The following SLMAP variants were observed in gnomAD, a reference collection of about 807,000 sequenced individuals.
The protein encoded by SLMAP is sarcolemmal membrane-associated protein.
Under a neutral mutation model 128.8 loss-of-function variants are expected in SLMAP, and 44 were observed. The ratio of observed to expected loss-of-function variants is 0.34; its 90% CI spans 0.27 to 0.44. SLMAP has a LOEUF of 0.44. Among genes scored for constraint, SLMAP ranks in the 20% least tolerant of loss-of-function variants. The pLI is 1.00. For synonymous variants in SLMAP, 327 were observed against 348.8 expected (o/e 0.94, Z 0.70); for missense variants, 787 against 985.3 (o/e 0.80, Z 2.69).
chr3:57,767,626 CT>C (rs1463799725), intron 2 of SLMAP, among the ~76,000 whole-genome samples: 2 of 152,084 alleles, frequency 1.3e-5, no homozygotes, highest in African/African-American at 4.8e-5. Context: ...AATCAGAGTG[CT>C]TTCTTGTTTC....
At chr3:57,894,330 C>T (rs2096180134) in intron 15 of SLMAP, among the ~76,000 whole-genome samples, 1 of 152,152 alleles carries the variant, frequency 6.6e-6, no homozygotes. Flanking sequence ...TCATATTATA[C>T]ATACTGCTCT....
chr3:57,761,743 A>G (rs1044012915), intron 2 of SLMAP, among the ~76,000 whole-genome samples: 1 of 151,912 alleles, frequency 6.6e-6, no homozygotes, highest in African/African-American at 2.4e-5. Flanking sequence ...CCATTATGGG[A>G]GGCTCATTAA....
intron 2 of SLMAP, among the ~76,000 whole-genome samples, chr3:57,764,180 C>G (rs2079201005): frequency 2.0e-5 from 3 of 152,086 alleles, no homozygotes; most frequent in Admixed American, 2.0e-4. Flanking sequence ...GAGTTCTGAG[C>G]AGAGCACTGA....
intron 18 of SLMAP, 78 bp from the exon 19 acceptor site, chr3:57,908,996 AAG>A: frequency 6.0e-6 from 6 of 991,804 alleles, no homozygotes; most frequent in Non-Finnish European, 9.2e-6. Flanking sequence ...AGAATTTTAA[AAG>A]AAATTTTCAG....
rs1005347331 is a variant in SLMAP, at chr3:57,896,803, G to C, written c.1442-70G>C. The C allele has an allele frequency of 4.7e-6, 7 of 1,495,830 alleles. No homozygotes were observed. In the African/African-American group the frequency reaches 8.5e-5, roughly 18 times the overall value. The allele number at this position is 1,495,830 out of a possible 1,614,324, so 92.7% of individuals were successfully genotyped here. Reference sequence around the variant, plus strand: ...TGTATCAATTCCAATTGTTTGTTTTGATAACAATAGCTTGCTGATAGATCT... The same window carrying C: ...TGTATCAATTCCAATTGTTTGTTTTCATAACAATAGCTTGCTGATAGATCT... On this transcript the variant is annotated intron_variant, in intron 16 of 24. Transcript: ENST00000671191.
chr3:57,866,295 AAAGAC>A (rs1054136313), intron 13 of SLMAP, among the ~76,000 whole-genome samples: 64 of 134,806 alleles, frequency 4.7e-4, no homozygotes, highest in African/African-American at 1.7e-3. Flanking sequence ...AAAGAAAAGA[AAAGAC>A]AAAATATTTT....
At chr3:57,923,091 AG>A in intron 23 of SLMAP, 68 bp downstream of exon 23, 1 of 1,464,522 alleles carries the variant, frequency 6.8e-7, no homozygotes, top group Non-Finnish European at 9.5e-7. Context: ...TGATTTTCAG[AG>A]GACTTTATCA....
chr3:57,843,589 A>G (rs2153567448), intron 4 of SLMAP, among the ~76,000 whole-genome samples: 1 of 151,384 alleles, frequency 6.6e-6, no homozygotes, highest in Admixed American at 6.6e-5. Context: ...TATAGGCCTG[A>G]GCCACCACGC....
At chr3:57,807,214 T>C (rs192008078) in intron 2 of SLMAP, among the ~76,000 whole-genome samples, 1 of 152,200 alleles carries the variant, frequency 6.6e-6, no homozygotes. Context: ...GATGGGGTTG[T>C]TTTTTTCTTG....
intron 22 of SLMAP, chr3:57,917,701 A>G (rs1325765646): frequency 6.5e-6 from 1 of 153,854 alleles, no homozygotes; most frequent in African/African-American, 2.4e-5. Context: ...TTCCTGAGCA[A>G]GAGAGGTGCA....
intron 6 of SLMAP, among the ~76,000 whole-genome samples, chr3:57,851,525 T>C (rs1002518148): frequency 1.3e-5 from 2 of 151,150 alleles, no homozygotes; most frequent in African/African-American, 4.9e-5. Context: ...CACGCTGGAG[T>C]GCACTGGCGC....
chr3:57,772,163 G>C (rs1298794976), intron 2 of SLMAP, among the ~76,000 whole-genome samples: 1 of 152,200 alleles, frequency 6.6e-6, no homozygotes, highest in Non-Finnish European at 1.5e-5. Context: ...ATGTAAGGGG[G>C]ACTTGAATTG....
At chr3:57,790,841 C>T (rs2085304944) in intron 2 of SLMAP, among the ~76,000 whole-genome samples, 1 of 152,052 alleles carries the variant, frequency 6.6e-6, no homozygotes, top group Non-Finnish European at 1.5e-5. Context: ...ATTTTAAGAA[C>T]ATAATTAAGT....
intron 14 of SLMAP, among the ~76,000 whole-genome samples, chr3:57,880,800 G>T (rs919603914): frequency 1.3e-5 from 2 of 151,964 alleles, no homozygotes; most frequent in African/African-American, 4.8e-5. Flanking sequence ...TGGGAGGATC[G>T]CTTGAGCCCT....
chr3:57,764,936 G>T (rs1327252591), intron 2 of SLMAP, among the ~76,000 whole-genome samples: 2 of 152,254 alleles, frequency 1.3e-5, no homozygotes, highest in Admixed American at 6.5e-5. Context: ...AAATTAACTT[G>T]CACATTAGGA....
At chr3:57,784,107 G>A (rs1365418520) in intron 2 of SLMAP, among the ~76,000 whole-genome samples, 2 of 152,210 alleles carry the variant, frequency 1.3e-5, no homozygotes, top group East Asian at 1.9e-4. Flanking sequence ...ACAGAGATGT[G>A]TAGGAGAGGC....
At position 57,922,916 on chromosome 3, in the gene SLMAP, G is replaced by T; in HGVS notation, c.2338G>T (p.Glu780Ter). Residue 780 changes from glutamate to a stop codon, truncating the protein, a stop_gained, in exon 23 of 25, where the codon GAA becomes TAA. Coordinates refer to ENST00000671191, the MANE Select transcript of SLMAP (RefSeq NM_001377540.1). LOFTEE classifies it high-confidence loss of function. ...TGAAAAGACACAGACTGTACTCTCAGAACTGAAGTTGAAGTTTGAAATGAC... is the reference window on the plus strand; with the variant it reads ...TGAAAAGACACAGACTGTACTCTCATAACTGAAGTTGAAGTTTGAAATGAC... ...EYEKTQTVLSELKLKFEMTEQ... is the reference protein window; with the variant it reads ...EYEKTQTVLS 2 of 1,613,472 alleles carry T rather than the reference G, an allele frequency of 1.2e-6. No individual in the cohort carries two copies. The highest frequency in any genetic ancestry group is 8.5e-7 in the Non-Finnish European group (1 of 1,179,950).
intron 2 of SLMAP, among the ~76,000 whole-genome samples, chr3:57,772,203 AG>A (rs2153447222): frequency 6.6e-6 from 1 of 152,322 alleles, no homozygotes; most frequent in Non-Finnish European, 1.5e-5. Context: ...AGAGAATAAC[AG>A]GTGTCCTTGG....
intron 17 of SLMAP, among the ~76,000 whole-genome samples, chr3:57,905,254 A>G (rs1433630032): frequency 1.3e-5 from 2 of 152,062 alleles, no homozygotes; most frequent in Non-Finnish European, 2.9e-5. Context: ...ATTCGAGTTC[A>G]TACCCTACAC....
Sources: gnomAD v4.1 joint callset for allele counts (sites outside exome capture counted in the v4.1 genomes callset) on GRCh38, gnomAD v4.1.1 for gene constraint, MANE v1.5 for transcripts, NCBI Gene and HGNC (gene_info 2026-07-23, HGNC 2026-07-21) for gene names.